Variants in ARHGAP5 observed in about 807,000 individuals in gnomAD.
ARHGAP5 encodes Rho GTPase activating protein 5, also known as rho GTPase-activating protein 5.
ARHGAP5 carries 23 observed loss-of-function variants against 116.6 expected under a neutral mutation model. That is an observed-to-expected ratio of 0.20 (90% CI 0.14 to 0.28). ARHGAP5 has a LOEUF of 0.28. Among genes scored for constraint, ARHGAP5 ranks in the 10% least tolerant of loss-of-function variants. The pLI is 1.00. For missense variants in ARHGAP5, 1,405 were observed against 1,774.8 expected (o/e 0.79, Z 3.74); for synonymous variants, 574 against 602.0 (o/e 0.95, Z 0.68).
chr14:32,090,065 C>G (rs771802913), intron 1 of ARHGAP5, among the ~76,000 whole-genome samples: 1 of 151,474 alleles, frequency 6.6e-6, no homozygotes, highest in Non-Finnish European at 1.5e-5. Flanking sequence ...TTTAAGGAAC[C>G]CTATAATGTA....
At chr14:32,077,705 C>T (rs1317359309) in intron 1 of ARHGAP5, among the ~76,000 whole-genome samples, 2 of 152,130 alleles carry the variant, frequency 1.3e-5, no homozygotes, top group Admixed American at 6.5e-5. Flanking sequence ...GGGCCAGGGT[C>T]GGCGGAGGCC....
chr14:32,148,176 A>ATCTT (rs1163694524), intron 4 of ARHGAP5, among the ~76,000 whole-genome samples: 1 of 148,372 alleles, frequency 6.7e-6, no homozygotes, highest in African/African-American at 2.6e-5. Flanking sequence ...CTATCTATCT[A>ATCTT]TCTATCTATC....
intron 1 of ARHGAP5, among the ~76,000 whole-genome samples, chr14:32,087,255 C>G (rs1263502012): frequency 6.6e-6 from 1 of 151,672 alleles, no homozygotes; most frequent in Non-Finnish European, 1.5e-5. Flanking sequence ...CAGTTTTGAT[C>G]TGGTTGTAAG....
intron 3 of ARHGAP5, among the ~76,000 whole-genome samples, chr14:32,137,377 A>G (rs1342405581): frequency 2.6e-5 from 4 of 151,534 alleles, no homozygotes; most frequent in African/African-American, 7.3e-5. Context: ...TCAGTTGGCC[A>G]TAGATACATG....
chr14:32,090,491 C>T lies in ARHGAP5; in HGVS notation c.-168-11C>T. The stretch of plus-strand genomic sequence containing the variant: ...TGATTAAGATTTGTTCTTTTTCTCC[C>T]CTCTCTATAGGAAGATGATCCCTAT... On this transcript the variant is annotated splice_polypyrimidine_tract_variant and intron_variant, in intron 1 of 6. Coordinates refer to ENST00000345122, the MANE Select transcript of ARHGAP5 (RefSeq NM_001030055.2). The T allele has an allele frequency of 9.5e-6, 5 of 524,024 alleles. No individual in the cohort carries two copies. Among genetic ancestry groups the T allele is most frequent in the South Asian group, 3.7e-5 (1 of 27,336 alleles). 32.5% of individuals were successfully genotyped at this position (524,024 alleles called of 1,614,324 possible). A position where few individuals can be genotyped will look rare whatever the true frequency, so the allele number is the denominator to read the frequency against.
In ARHGAP5 at chr14:32,155,436, G is replaced by C. The variant is rs545824250; in HGVS notation, c.*488G>C. ...CCCAGTTAAGTATTTTATAATTTCA[G>C]GCTACTGAGGCCATGCTTGGGATGT... On this transcript the variant is annotated 3_prime_UTR_variant, in exon 7 of 7. Coordinates refer to ENST00000345122, the MANE Select transcript of ARHGAP5 (RefSeq NM_001030055.2). The C allele has an allele frequency of 6.5e-6, 1 of 153,128 alleles. No homozygotes were observed. The highest frequency in any genetic ancestry group is 2.4e-5 in the African/African-American group (1 of 41,424). The allele number at this position is 153,128 out of a possible 1,614,324, so 9.5% of individuals were successfully genotyped here.
At chr14:32,102,316 T>G (rs1180777979) in intron 2 of ARHGAP5, among the ~76,000 whole-genome samples, 1 of 152,192 alleles carries the variant, frequency 6.6e-6, no homozygotes, top group Non-Finnish European at 1.5e-5. Flanking sequence ...AGTTAGGTCC[T>G]GCACCTGTTC....
chr14:32,146,781 G>A (rs1388449081), intron 4 of ARHGAP5, among the ~76,000 whole-genome samples: 1 of 152,156 alleles, frequency 6.6e-6, no homozygotes, highest in East Asian at 1.9e-4. Context: ...GGAAAAGCAG[G>A]CATTCAGTAT....
intron 6 of ARHGAP5, chr14:32,154,116 A>G (rs190838726): frequency 2.9e-3 from 448 of 155,006 alleles, no homozygotes; most frequent in Non-Finnish European, 3.7e-3. Context: ...ACTCAATACA[A>G]TTTGTCACAT....
At chr14:32,128,695 C>A (rs1880324347) in intron 3 of ARHGAP5, among the ~76,000 whole-genome samples, 1 of 152,246 alleles carries the variant, frequency 6.6e-6, no homozygotes, top group South Asian at 2.1e-4. Flanking sequence ...ATTAAACCCC[C>A]TTGCATTCCT....
At chr14:32,116,716 T>C (rs1048034559) in intron 2 of ARHGAP5, among the ~76,000 whole-genome samples, 2 of 152,166 alleles carry the variant, frequency 1.3e-5, no homozygotes, top group East Asian at 1.9e-4. Flanking sequence ...ATGCAATCAA[T>C]AATTAGAGCT....
At chr14:32,112,430 C>T (rs573726859) in intron 2 of ARHGAP5, among the ~76,000 whole-genome samples, 2 of 152,226 alleles carry the variant, frequency 1.3e-5, no homozygotes, top group African/African-American at 4.8e-5. Flanking sequence ...ATATGTTGGA[C>T]ACTTAAAGAG....
chr14:32,135,279 A>G (rs893868890), intron 3 of ARHGAP5, among the ~76,000 whole-genome samples: 1 of 152,244 alleles, frequency 6.6e-6, no homozygotes, highest in Non-Finnish European at 1.5e-5. Flanking sequence ...AAATACATTT[A>G]ACTGGAATGA....
intron 2 of ARHGAP5, among the ~76,000 whole-genome samples, chr14:32,113,189 C>A (rs1566670188): frequency 6.6e-6 from 1 of 152,168 alleles, no homozygotes; most frequent in Non-Finnish European, 1.5e-5. Context: ...TCAAAAGTCA[C>A]ATGTTTTAAA....
At chr14:32,085,200 C>T (rs1260952357) in intron 1 of ARHGAP5, among the ~76,000 whole-genome samples, 1 of 151,882 alleles carries the variant, frequency 6.6e-6, no homozygotes, top group African/African-American at 2.4e-5. Flanking sequence ...AATACCCATA[C>T]CTTGGGAGGC....
intron 1 of ARHGAP5, among the ~76,000 whole-genome samples, chr14:32,080,018 T>A (rs1010255970): frequency 3.3e-5 from 5 of 152,196 alleles, no homozygotes; most frequent in African/African-American, 1.2e-4. Context: ...GAAACATCAG[T>A]AGATTCATCA....
chr14:32,102,761 G>T (rs557457321), intron 2 of ARHGAP5, among the ~76,000 whole-genome samples: 4 of 152,080 alleles, frequency 2.6e-5, no homozygotes, highest in African/African-American at 7.2e-5. Flanking sequence ...TAAATGTATG[G>T]CCTTTGTTTT....
At chr14:32,106,003 T>C (rs569790871) in intron 2 of ARHGAP5, among the ~76,000 whole-genome samples, 8 of 152,356 alleles carry the variant, frequency 5.3e-5, no homozygotes, top group African/African-American at 1.9e-4. Context: ...CATCAGTGTT[T>C]TAACCTGTTG....
In ARHGAP5 at chr14:32,157,496, T is replaced by G. The variant is rs948361290; in HGVS notation, c.*2548T>G. On this transcript the variant is annotated 3_prime_UTR_variant, in exon 7 of 7. Coordinates refer to ENST00000345122, the MANE Select transcript of ARHGAP5 (RefSeq NM_001030055.2). ...TGCCATTGTTTCATTTAAGGTTCAG[T>G]GCTTATAGTTAACTACAATATTGGA... 2 of 152,290 alleles carry G rather than the reference T, an allele frequency of 1.3e-5. No homozygotes were observed. Among genetic ancestry groups the G allele is most frequent in the African/African-American group, 4.8e-5 (2 of 41,440 alleles). 9.4% of individuals were successfully genotyped at this position (152,290 alleles called of 1,614,324 possible). A position where few individuals can be genotyped will look rare whatever the true frequency, so the allele number is the denominator to read the frequency against.
Sources: gnomAD v4.1 joint callset for allele counts (sites outside exome capture counted in the v4.1 genomes callset) on GRCh38, gnomAD v4.1.1 for gene constraint, MANE v1.5 for transcripts, NCBI Gene and HGNC (gene_info 2026-07-23, HGNC 2026-07-21) for gene names.